MSRA: variants seen among roughly 807,000 people sequenced by gnomAD.
MSRA encodes methionine sulfoxide reductase A.
A neutral mutation model predicts 31.3 loss-of-function variants in MSRA; 54 were observed. The ratio of observed to expected loss-of-function variants is 1.73; its 90% CI spans 1.39 to 2.17. MSRA has a LOEUF of 2.17. MSRA is among the 30% of genes most tolerant of loss of function. MSRA has a pLI of 0.00. For missense variants in MSRA, 507 were observed against 300.9 expected (o/e 1.69, Z -5.07); for synonymous variants, 169 against 116.5 (o/e 1.45, Z -2.90).
intron 1 of MSRA, among the ~76,000 whole-genome samples, chr8:10,097,120 A>G (rs1314115591): frequency 6.6e-5 from 10 of 152,178 alleles, no homozygotes; most frequent in African/African-American, 9.7e-5. Flanking sequence ...CATGTTTTTT[A>G]TAAAATTATA....
intron 1 of MSRA, among the ~76,000 whole-genome samples, chr8:10,092,496 A>C (rs1363297174): frequency 6.6e-6 from 1 of 152,158 alleles, no homozygotes; most frequent in Non-Finnish European, 1.5e-5. Flanking sequence ...CATCTTTACT[A>C]AAAATATAAA....
chr8:10,125,192 G>T (rs894214083), intron 1 of MSRA, among the ~76,000 whole-genome samples: 1 of 152,218 alleles, frequency 6.6e-6, no homozygotes, highest in African/African-American at 2.4e-5. Context: ...CTCATTTGGG[G>T]AGTAGGGGAC....
At chr8:10,078,758 G>A (rs1295674978) in intron 1 of MSRA, among the ~76,000 whole-genome samples, 1 of 152,174 alleles carries the variant, frequency 6.6e-6, no homozygotes, top group East Asian at 1.9e-4. Flanking sequence ...CGTTTCCTTG[G>A]ATTCTTTGAC....
chr8:10,375,213 A>G (rs902214666), intron 5 of MSRA, among the ~76,000 whole-genome samples: 6 of 152,136 alleles, frequency 3.9e-5, no homozygotes, highest in Non-Finnish European at 8.8e-5. Context: ...TCTTTTTTGC[A>G]TCTTCCATCC....
At chr8:10,218,975 C>T (rs1810245404) in intron 2 of MSRA, among the ~76,000 whole-genome samples, 1 of 152,206 alleles carries the variant, frequency 6.6e-6, no homozygotes. Context: ...GCGATCTTCT[C>T]TCTCGTTCTT....
chr8:10,171,136 C>G (rs915523502), intron 1 of MSRA, among the ~76,000 whole-genome samples: 3 of 152,200 alleles, frequency 2.0e-5, no homozygotes, highest in African/African-American at 7.2e-5. Flanking sequence ...TGACTTTCCT[C>G]CTATACCTTT....
chr8:10,305,127 G>A (rs1380579909), intron 4 of MSRA, among the ~76,000 whole-genome samples: 1 of 152,082 alleles, frequency 6.6e-6, no homozygotes, highest in Non-Finnish European at 1.5e-5. Flanking sequence ...GACTTGAAGG[G>A]GCCTTAAATT....
intron 5 of MSRA, among the ~76,000 whole-genome samples, chr8:10,363,015 C>G (rs1473095630): frequency 1.3e-5 from 2 of 152,204 alleles, no homozygotes; most frequent in African/African-American, 4.8e-5. Flanking sequence ...TAAGAACACT[C>G]ATAAGAAATG....
intron 2 of MSRA, 34 bp from the exon 3 acceptor site, chr8:10,245,070 C>A: frequency 6.2e-7 from 1 of 1,603,486 alleles, no homozygotes; most frequent in Non-Finnish European, 8.5e-7. Flanking sequence ...TTTGAATAAT[C>A]AGTATCCTTT....
At chr8:10,285,465 C>A (rs1027880110) in intron 3 of MSRA, among the ~76,000 whole-genome samples, 4 of 152,132 alleles carry the variant, frequency 2.6e-5, no homozygotes, top group Non-Finnish European at 5.9e-5. Flanking sequence ...ATATCCATCA[C>A]CTCAGACGTT....
chr8:10,195,915 C>T (rs1439044408), intron 1 of MSRA, among the ~76,000 whole-genome samples: 1 of 152,218 alleles, frequency 6.6e-6, no homozygotes, highest in African/African-American at 2.4e-5. Flanking sequence ...CTGCAGCAGG[C>T]CTGCTTTGTA....
At chr8:10,306,513 T>C (rs1801148574) in intron 4 of MSRA, among the ~76,000 whole-genome samples, 1 of 152,104 alleles carries the variant, frequency 6.6e-6, no homozygotes. Flanking sequence ...TTCTTGTGTC[T>C]CTTGCATTGG....
chr8:10,212,776 G>C (rs1809622363), intron 2 of MSRA, among the ~76,000 whole-genome samples: 1 of 152,136 alleles, frequency 6.6e-6, no homozygotes. Flanking sequence ...GGGCTATGTA[G>C]CCTTTAAAAC....
chr8:10,246,975 C>G (rs910178259), intron 3 of MSRA, among the ~76,000 whole-genome samples: 1 of 152,028 alleles, frequency 6.6e-6, no homozygotes, highest in African/African-American at 2.4e-5. Context: ...GACTTAATGG[C>G]CTAAGAGAAA....
chr8:10,195,148 A>C (rs1807860491), intron 1 of MSRA, among the ~76,000 whole-genome samples: 1 of 152,242 alleles, frequency 6.6e-6, no homozygotes, highest in Non-Finnish European at 1.5e-5. Context: ...TTTTACAAGC[A>C]ATCTTGTGAT....
At chr8:10,351,245 CTTT>C (rs71203317) in intron 5 of MSRA, among the ~76,000 whole-genome samples, 22 of 56,806 alleles carry the variant, frequency 3.9e-4, no homozygotes, top group African/African-American at 1.3e-3. Flanking sequence ...CTGAAGGAGA[CTTT>C]TTTTTTTTTT....
At chr8:10,232,241 A>T (rs751450008) in intron 2 of MSRA, among the ~76,000 whole-genome samples, 1 of 152,230 alleles carries the variant, frequency 6.6e-6, no homozygotes, top group South Asian at 2.1e-4. Context: ...ACATGTTCTA[A>T]TGGGAGCCCA....
chr8:10,111,371 T>C (rs1800266480), intron 1 of MSRA, among the ~76,000 whole-genome samples: 1 of 152,134 alleles, frequency 6.6e-6, no homozygotes. Context: ...CTGCGTCTTC[T>C]CTCTCTTGGG....
intron 1 of MSRA, among the ~76,000 whole-genome samples, chr8:10,093,241 T>C (rs1377926247): frequency 2.6e-5 from 4 of 152,180 alleles, no homozygotes; most frequent in Non-Finnish European, 5.9e-5. Flanking sequence ...ATATTCTACG[T>C]ATCTTTGTCT....
Sources: gnomAD v4.1 joint callset for allele counts (sites outside exome capture counted in the v4.1 genomes callset) on GRCh38, gnomAD v4.1.1 for gene constraint, MANE v1.5 for transcripts, NCBI Gene and HGNC (gene_info 2026-07-23, HGNC 2026-07-21) for gene names.